The following CABLES1 variants were observed in gnomAD, a reference collection of about 807,000 sequenced individuals.
CABLES1 encodes Cdk5 and Abl enzyme substrate 1.
Under a neutral mutation model 57.8 loss-of-function variants are expected in CABLES1, and 36 were observed. That is an observed-to-expected ratio of 0.62 (90% CI 0.48 to 0.82). CABLES1 has a LOEUF of 0.82. Ranked by LOEUF, CABLES1 falls within the 40% of genes least tolerant of loss-of-function variation. The pLI is 0.00. For missense variants in CABLES1, 767 were observed against 836.6 expected (o/e 0.92, Z 1.03); for synonymous variants, 374 against 363.0 (o/e 1.03, Z -0.35).
At chr18:23,192,146 C>G (rs1225229118) in intron 2 of CABLES1, among the ~76,000 whole-genome samples, 1 of 152,204 alleles carries the variant, frequency 6.6e-6, no homozygotes, top group African/African-American at 2.4e-5. Context: ...CATGAGAGGA[C>G]TTGGACTGAG....
intron 4 of CABLES1, among the ~76,000 whole-genome samples, chr18:23,224,995 G>A (rs1001748245): frequency 1.5e-4 from 23 of 152,078 alleles, no homozygotes; most frequent in African/African-American, 2.7e-4. Context: ...AGCTTCCTGC[G>A]TAGCTGGGAT....
chr18:23,137,579 G>T (rs2046831438), intron 1 of CABLES1, among the ~76,000 whole-genome samples: 1 of 152,202 alleles, frequency 6.6e-6, no homozygotes, highest in African/African-American at 2.4e-5. Context: ...TGGGGCCTCA[G>T]TTATCCCTTC....
chr18:23,219,530 C>T (rs1230190850), intron 4 of CABLES1, among the ~76,000 whole-genome samples: 2 of 152,202 alleles, frequency 1.3e-5, no homozygotes, highest in Admixed American at 6.5e-5. Context: ...AGGGCCTGCC[C>T]TGTTGAGAGA....
intron 7 of CABLES1, among the ~76,000 whole-genome samples, chr18:23,250,439 G>C (rs1035936383): frequency 1.3e-5 from 2 of 152,222 alleles, no homozygotes; most frequent in African/African-American, 4.8e-5. Flanking sequence ...GAGCATGTTA[G>C]ATGTGGCCCC....
rs536748655 is a variant in CABLES1 at position 23,223,844 on chromosome 18, T to C, written c.1088+9790T>C. On this transcript the variant is annotated intron_variant, in intron 4 of 9. Transcript: ENST00000256925. ...AGCTGTCAGGACTTACTGGCATGCATTGAATAAAGACTGGGTATGGGTTGT... is the reference window on the plus strand; with the variant it reads ...AGCTGTCAGGACTTACTGGCATGCACTGAATAAAGACTGGGTATGGGTTGT... Among the ~76,000 whole-genome samples, 9 of 152,178 alleles carry C rather than the reference T, an allele frequency of 5.9e-5. No individual in the cohort carries two copies. The South Asian group carries it at 1.9e-3, about 32-fold the overall frequency.
chr18:23,247,551 C>T (rs1273891261), intron 7 of CABLES1, among the ~76,000 whole-genome samples: 1 of 152,224 alleles, frequency 6.6e-6, no homozygotes, highest in Non-Finnish European at 1.5e-5. Flanking sequence ...ACGGAACAGC[C>T]CCACAGATCA....
intron 1 of CABLES1, among the ~76,000 whole-genome samples, chr18:23,156,394 G>A (rs2046966166): frequency 2.6e-5 from 4 of 152,196 alleles, no homozygotes; most frequent in South Asian, 2.1e-4. Context: ...GAGGCCCAGC[G>A]GGCACCAAGA....
At chr18:23,163,867 A>G (rs541820526) in intron 1 of CABLES1, among the ~76,000 whole-genome samples, 1 of 152,296 alleles carries the variant, frequency 6.6e-6, no homozygotes, top group East Asian at 1.9e-4. Flanking sequence ...GTTTTTGTTC[A>G]TTAGTATTTT....
chr18:23,135,876 G>T lies in CABLES1; in HGVS notation c.114G>T (p.Gln38His). 9.6e-7 allele frequency: 1 copy of T among 1,041,894 alleles called. No homozygotes were observed. The highest frequency in any genetic ancestry group is 1.1e-6 in the Non-Finnish European group (1 of 870,346). The allele number at this position is 1,041,894 out of a possible 1,614,324, so 64.5% of individuals were successfully genotyped here. A position where few individuals can be genotyped will look rare whatever the true frequency, so the allele number is the denominator to read the frequency against. The change falls in exon 1 of 10, where the codon CAG (glutamine) becomes CAT (histidine). Residue 38 changes from glutamine (Q) to histidine (H), a missense_variant. By Grantham distance (24) the Gln-to-His change is conservative. Transcript: ENST00000256925. ...LQQPPPQPQP[Q>H]PAAAAPAQPP... ...AGCCGCCGCCGCAGCCCCAGCCTCAGCCCGCGGCCGCCGCGCCGGCCCAGC... is the reference window on the plus strand; with the variant it reads ...AGCCGCCGCCGCAGCCCCAGCCTCATCCCGCGGCCGCCGCGCCGGCCCAGC...
chr18:23,178,429 G>A (rs773827242), intron 1 of CABLES1, among the ~76,000 whole-genome samples: 3 of 150,390 alleles, frequency 2.0e-5, no homozygotes, highest in Non-Finnish European at 2.9e-5. Flanking sequence ...TGGGCTGGCC[G>A]CCTGATGTCC....
At chr18:23,202,225 G>A (rs558934786) in intron 3 of CABLES1, among the ~76,000 whole-genome samples, 81 of 152,320 alleles carry the variant, frequency 5.3e-4, no homozygotes, top group African/African-American at 1.9e-3. Context: ...GGCATTGCGG[G>A]TCATTTTGGT....
chr18:23,244,524 G>T (rs146856200), intron 7 of CABLES1, among the ~76,000 whole-genome samples: 1 of 152,246 alleles, frequency 6.6e-6, no homozygotes, highest in African/African-American at 2.4e-5. Context: ...GCCTAGAACA[G>T]CTGAAATGCC....
chr18:23,194,656 A>C, intron 3 of CABLES1, 116 bp downstream of exon 3: 1 of 678,052 alleles, frequency 1.5e-6, no homozygotes, highest in Non-Finnish European at 2.6e-6. Context: ...TTTTAAGATG[A>C]GCAGGATCTC....
At chr18:23,184,408 A>C (rs923431116) in intron 1 of CABLES1, among the ~76,000 whole-genome samples, 1 of 151,910 alleles carries the variant, frequency 6.6e-6, no homozygotes, top group Non-Finnish European at 1.5e-5. Context: ...AAACAATAGA[A>C]ATGTATTTTC....
At chr18:23,204,109 G>A (rs1368414028) in intron 3 of CABLES1, among the ~76,000 whole-genome samples, 1 of 152,188 alleles carries the variant, frequency 6.6e-6, no homozygotes, top group Non-Finnish European at 1.5e-5. Context: ...CTGCTCACAA[G>A]TCTCACCATC....
intron 4 of CABLES1, among the ~76,000 whole-genome samples, chr18:23,218,618 G>GCATCCTCACTTGCCCTGCCTCCCA: frequency 9.2e-6 from 1 of 108,334 alleles, no homozygotes; most frequent in African/African-American, 3.8e-5. Context: ...CCTGGCTCCC[G>GCATCCTCACTTGCCCTGCCTCCCA]CATCCTCACT....
At chr18:23,159,832 A>G (rs1212077685) in intron 1 of CABLES1, among the ~76,000 whole-genome samples, 1 of 151,798 alleles carries the variant, frequency 6.6e-6, no homozygotes, top group African/African-American at 2.4e-5. Context: ...TTCCCATTTC[A>G]TCTAAAGATA....
chr18:23,219,850 A>G (rs1319376403), intron 4 of CABLES1, among the ~76,000 whole-genome samples: 1 of 152,250 alleles, frequency 6.6e-6, no homozygotes, highest in Non-Finnish European at 1.5e-5. Context: ...CCATCTGTCA[A>G]TAATCAGCAA....
chr18:23,216,405 C>T (rs552870709), intron 4 of CABLES1, among the ~76,000 whole-genome samples: 1 of 152,276 alleles, frequency 6.6e-6, no homozygotes, highest in South Asian at 2.1e-4. Context: ...AACCTTGCTG[C>T]GAAATGGAGC....
Sources: gnomAD v4.1 joint callset for allele counts (sites outside exome capture counted in the v4.1 genomes callset) on GRCh38, gnomAD v4.1.1 for gene constraint, MANE v1.5 for transcripts, NCBI Gene and HGNC (gene_info 2026-07-23, HGNC 2026-07-21) for gene names.